Variants in MYRFL observed in about 807,000 individuals in gnomAD.
The protein encoded by MYRFL is myelin regulatory factor like, also known as myelin regulatory factor-like protein.
Under a neutral mutation model 109.4 loss-of-function variants are expected in MYRFL, and 88 were observed. That is an observed-to-expected ratio of 0.80 (90% confidence interval 0.68 to 0.96). MYRFL has a LOEUF of 0.96. Ranked by LOEUF, MYRFL falls within the 40% of genes least tolerant of loss-of-function variation. The probability of loss-of-function intolerance (pLI) is 0.00; values close to 1 mark genes in which losing one functional copy is unlikely to be tolerated. For synonymous variants in MYRFL, 324 were observed against 320.9 expected (o/e 1.01, Z -0.10); for missense variants, 957 against 954.9 (o/e 1.00, Z -0.03).
Position 69,861,422 on chromosome 12 carries a change from T to G in MYRFL, c.137+6052T>G, listed in dbSNP as rs528990482. On this transcript the variant is annotated intron_variant, in intron 2 of 24. Transcript: ENST00000552032. ...TCTCCAGCATCTGTTGTTTCCTGAC[T>G]TTTTAATGATTGCCATTCTAACTGG... is the stretch of plus-strand genomic sequence containing the variant. 8.1e-3 allele frequency among the ~76,000 whole-genome samples: 1,228 copies of G among 152,324 alleles called. 16 individuals carry two copies. Among genetic ancestry groups the G allele is most frequent in the African/African-American group, 0.028 (1,169 of 41,548 alleles).
In MYRFL at chr12:69,825,351, A is replaced by G. The variant is rs1272819517; in HGVS notation, c.-167A>G. The stretch of plus-strand genomic sequence containing the variant: ...TATAATCACATTTGAAAACTCAACC[A>G]TCTTTCTGGGCACAATTTGATGGCT... On this transcript the variant is annotated 5_prime_UTR_variant, in exon 1 of 25. Transcript: ENST00000552032. 2 of 697,802 alleles carry G rather than the reference A, an allele frequency of 2.9e-6. No homozygotes were observed. The highest frequency in any genetic ancestry group is 3.0e-5 in the South Asian group (2 of 66,442). The allele number at this position is 697,802 out of a possible 1,614,324, so 43.2% of individuals were successfully genotyped here. A position where few individuals can be genotyped will look rare whatever the true frequency, so the allele number is the denominator to read the frequency against.
chr12:69,922,558 T>C (rs1356901461), intron 13 of MYRFL, among the ~76,000 whole-genome samples: 1 of 152,136 alleles, frequency 6.6e-6, no homozygotes, highest in East Asian at 1.9e-4. Flanking sequence ...TCCAATCTTA[T>C]TTTATTTAAA....
intron 19 of MYRFL, chr12:69,946,487 A>T (rs1955843400): frequency 6.6e-6 from 1 of 152,220 alleles, no homozygotes; most frequent in Non-Finnish European, 1.5e-5. Flanking sequence ...CCGAGAATCC[A>T]CTATAAGCCT....
chr12:69,957,825 A>C lies in MYRFL; in HGVS notation c.2454A>C (p.Thr818=), dbSNP rs1376173786. Reference sequence around the variant, plus strand: ...TTCTTTTCTTTGTCTCTTGAAGCACAACAGAGCCATTGATAGTCTTCCAGT... The same window carrying C: ...TTCTTTTCTTTGTCTCTTGAAGCACCACAGAGCCATTGATAGTCTTCCAGT... ...TNVKFSLEIN[T]TEPLIVFQCK... The change falls in exon 23 of 25, where the codon ACA becomes ACC. Residue 818 remains threonine, a synonymous_variant. Coordinates refer to ENST00000552032, the MANE Select transcript of MYRFL (RefSeq NM_182530.3). 1 of 1,530,622 alleles carries C rather than the reference A, an allele frequency of 6.5e-7. No individual in the cohort carries two copies. The highest frequency in any genetic ancestry group is 2.0e-5 in the Admixed American group (1 of 50,934). The allele number at this position is 1,530,622 out of a possible 1,614,324, so 94.8% of individuals were successfully genotyped here. A position where few individuals can be genotyped will look rare whatever the true frequency, so the allele number is the denominator to read the frequency against.
chr12:69,942,738 G>T (rs2120512665), intron 19 of MYRFL, among the ~76,000 whole-genome samples: 1 of 152,102 alleles, frequency 6.6e-6, no homozygotes, highest in African/African-American at 2.4e-5. Flanking sequence ...AAAAGAGGAA[G>T]TCAAATTGTC....
intron 20 of MYRFL, 149 bp from the exon 21 acceptor site, chr12:69,952,650 T>G: frequency 1.7e-6 from 1 of 584,994 alleles, no homozygotes; most frequent in South Asian, 2.6e-5. Flanking sequence ...CTTTTCCTCC[T>G]GTTTGTTTTC....
In MYRFL at chr12:69,903,745, A is replaced by G. The variant is rs1018907926; in HGVS notation, c.1284A>G (p.Thr428=). 1.3e-6 allele frequency: 2 copies of G among 1,535,704 alleles called. No homozygotes were observed. Among genetic ancestry groups the G allele is most frequent in the Non-Finnish European group, 1.7e-6 (2 of 1,146,688 alleles). Residue 428 remains threonine, a synonymous_variant, in exon 11 of 25, where the codon ACA becomes ACG. Coordinates refer to ENST00000552032, the MANE Select transcript of MYRFL (RefSeq NM_182530.3). ...GTCACGGTCGAGTAGGAATCAACAC[A>G]GATGCGCCGGACGAAGCCCTGGTTG... ...IVCHGRVGIN[T]DAPDEALVVC...
intron 2 of MYRFL, among the ~76,000 whole-genome samples, chr12:69,864,516 T>C (rs1430904314): frequency 6.6e-6 from 1 of 152,036 alleles, no homozygotes; most frequent in Non-Finnish European, 1.5e-5. Context: ...TCCTCAATAG[T>C]AGTGGAGAAA....
At chr12:69,880,950 T>C (rs7299745) in intron 5 of MYRFL, among the ~76,000 whole-genome samples, 34,194 of 99,682 alleles carry the variant, frequency 0.34, 4,903 homozygotes, top group South Asian at 0.43. Context: ...TCAGCCTTCC[T>C]GTTTTTTTTT....
At chr12:69,839,980 A>G (rs894832007) in intron 1 of MYRFL, among the ~76,000 whole-genome samples, 3 of 152,210 alleles carry the variant, frequency 2.0e-5, no homozygotes, top group African/African-American at 7.2e-5. Flanking sequence ...ACTCTACATT[A>G]GTTTCCTTGT....
At chr12:69,920,045 A>T (rs1399258346) in intron 13 of MYRFL, among the ~76,000 whole-genome samples, 1 of 152,148 alleles carries the variant, frequency 6.6e-6, no homozygotes, top group Non-Finnish European at 1.5e-5. Context: ...TTATCTTTAG[A>T]CCTGCAATGG....
chr12:69,876,226 C>T (rs1395725001), intron 2 of MYRFL, among the ~76,000 whole-genome samples: 1 of 152,122 alleles, frequency 6.6e-6, no homozygotes, highest in Non-Finnish European at 1.5e-5. Flanking sequence ...GTTAGCTGTC[C>T]TGTGGCTCTG....
chr12:69,937,368 A>G (rs1955503873), intron 19 of MYRFL, among the ~76,000 whole-genome samples: 1 of 152,220 alleles, frequency 6.6e-6, no homozygotes, highest in Admixed American at 6.5e-5. Flanking sequence ...CTTATTGATT[A>G]GGATACTGTC....
At position 69,838,120 on chromosome 12, in the gene MYRFL, A is replaced by G. The variant is rs561966442; in HGVS notation, c.46+12557A>G. Among the ~76,000 whole-genome samples, 9 of 152,296 alleles carry G rather than the reference A, an allele frequency of 5.9e-5. No homozygotes were observed. The East Asian group carries it at 1.7e-3, about 29-fold the overall frequency. ...CTTTCTGCCTGACTCGGGAGGACAG[A>G]AAGGCATTGCTGGGGAAGGACAGGC... On this transcript the variant is annotated intron_variant, in intron 1 of 24. Coordinates refer to ENST00000552032, the MANE Select transcript of MYRFL (RefSeq NM_182530.3).
chr12:69,926,932 G>GTTT lies in MYRFL; in HGVS notation c.1766+198_1766+199insTTT, dbSNP rs1336716063. 7.0e-4 allele frequency among the ~76,000 whole-genome samples: 54 copies of GTTT among 76,848 alleles called. 21 individuals are homozygous for GTTT. The highest frequency in any genetic ancestry group is 1.6e-3 in the African/African-American group (32 of 20,464). 50.4% of individuals were successfully genotyped at this position (76,848 alleles called of 152,430 possible). A position where few individuals can be genotyped will look rare whatever the true frequency, so the allele number is the denominator to read the frequency against. ...ACTTTCTTAGTTTTTTTCTGTTGCT[G>GTTT]GTTTTTTTTTTTTTTTTTTTTTTTT... On this transcript the variant is annotated intron_variant, in intron 14 of 24. Transcript: ENST00000552032.
chr12:69,858,129 C>T (rs945611100), intron 2 of MYRFL, among the ~76,000 whole-genome samples: 2 of 151,336 alleles, frequency 1.3e-5, no homozygotes, highest in African/African-American at 4.8e-5. Flanking sequence ...GTTTTTTCTT[C>T]CCATCTGTTA....
At chr12:69,825,637 A>G (rs76473712) in intron 1 of MYRFL, 74 bp downstream of exon 1, 2 of 679,348 alleles carry the variant, frequency 2.9e-6, no homozygotes, top group East Asian at 5.4e-5. Context: ...CCTTTTCCGT[A>G]TTCACTTAAA....
chr12:69,869,976 G>A (rs1465813278), intron 2 of MYRFL, among the ~76,000 whole-genome samples: 1 of 152,024 alleles, frequency 6.6e-6, no homozygotes, highest in Non-Finnish European at 1.5e-5. Flanking sequence ...TCAACCCCTG[G>A]GAGATTGTTT....
chr12:69,871,387 G>T (rs978876654), intron 2 of MYRFL, among the ~76,000 whole-genome samples: 2 of 151,780 alleles, frequency 1.3e-5, no homozygotes, highest in Admixed American at 1.3e-4. Context: ...CTACCACCAT[G>T]CCCGGCTAAT....
Sources: allele counts gnomAD v4.1 joint callset (sites outside exome capture counted in the v4.1 genomes callset), GRCh38; gene constraint gnomAD v4.1.1; transcripts MANE v1.5; gene names NCBI Gene and HGNC (gene_info 2026-07-23, HGNC 2026-07-21).